Variants in TFEC observed in about 807,000 individuals in gnomAD.
TFEC encodes class E basic helix-loop-helix protein 34.
Under a neutral mutation model 41.6 loss-of-function variants are expected in TFEC, and 31 were observed. The observed-to-expected ratio is 0.74, with a 90% CI of 0.56 to 1.01. TFEC has a LOEUF of 1.01. TFEC is among the 50% of genes least tolerant of loss of function. TFEC has a pLI of 0.00. For synonymous variants in TFEC, 143 were observed against 140.6 expected, an observed-to-expected ratio of 1.02 and a Z score of -0.12; for missense variants, 402 against 404.1, an observed-to-expected ratio of 0.99 and a Z score of 0.04.
At chr7:116,027,602 A>C (rs1280560079) in intron 1 of TFEC, among the ~76,000 whole-genome samples, 1 of 152,006 alleles carries the variant, frequency 6.6e-6, no homozygotes, top group African/African-American at 2.4e-5. Flanking sequence ...GTCTCAAAAA[A>C]ATTTTTTAAA....
Position 115,974,168 on chromosome 7 carries a change from A to C in TFEC, c.267+2T>G. ...GACCTTCTTGGGTCTGAAAGCACTT[A>C]CTGTTCTTTGCATTAGCAGAGGAGA... On this transcript the variant is annotated splice_donor_variant, in intron 3 of 7. Coordinates refer to ENST00000265440, the MANE Select transcript of TFEC (RefSeq NM_012252.4). LOFTEE classifies it high-confidence loss of function. 6.3e-7 allele frequency: 1 copy of C among 1,589,230 alleles called. No homozygotes were observed. The highest frequency in any genetic ancestry group is 8.5e-7 in the Non-Finnish European group (1 of 1,170,064).
At chr7:115,987,601 T>C (rs2130696210) in intron 1 of TFEC, among the ~76,000 whole-genome samples, 1 of 152,242 alleles carries the variant, frequency 6.6e-6, no homozygotes, top group African/African-American at 2.4e-5. Flanking sequence ...TCAAATAGTA[T>C]ACAGCATAGT....
intron 1 of TFEC, among the ~76,000 whole-genome samples, chr7:115,994,668 A>C (rs1417935284): frequency 6.6e-6 from 1 of 152,208 alleles, no homozygotes; most frequent in Non-Finnish European, 1.5e-5. Context: ...ACCAGTTAGA[A>C]TGGCAATCAT....
At position 115,940,665 on chromosome 7, in the gene TFEC, A is replaced by G. The variant is rs1400015486; in HGVS notation, c.930T>C (p.Asp310=). The change falls in exon 8 of 8, where the codon GAT becomes GAC. Residue 310 remains aspartate, a synonymous_variant. Transcript: ENST00000265440. ...EEQRLDGMLL[D]DTISPFGTDP... ...CTGTTCCAAATGGAGAGATTGTGTC[A>G]TCCAATAGCATGCCATCCAATCTTT... 2.5e-6 allele frequency: 4 copies of G among 1,613,626 alleles called. No homozygotes were observed. Among genetic ancestry groups the G allele is most frequent in the Admixed American group, 1.7e-5 (1 of 59,946 alleles).
intron 1 of TFEC, among the ~76,000 whole-genome samples, chr7:116,006,373 A>T (rs1794790156): frequency 6.6e-6 from 1 of 152,064 alleles, no homozygotes; most frequent in African/African-American, 2.4e-5. Flanking sequence ...ATGAGAATCC[A>T]CCTCTTGCAT....
intron 1 of TFEC, among the ~76,000 whole-genome samples, chr7:116,024,860 T>A (rs186213496): frequency 2.0e-5 from 3 of 149,900 alleles, no homozygotes; most frequent in East Asian, 1.9e-4. Flanking sequence ...TTTATACATT[T>A]TTTCCATCTC....
At chr7:115,954,112 G>A (rs1246009852) in intron 5 of TFEC, among the ~76,000 whole-genome samples, 1 of 151,874 alleles carries the variant, frequency 6.6e-6, no homozygotes, top group Non-Finnish European at 1.5e-5. Flanking sequence ...AAGGCATGAG[G>A]GCTCTATTTG....
chr7:115,985,407 C>T (rs1418800588), intron 1 of TFEC, among the ~76,000 whole-genome samples: 1 of 152,084 alleles, frequency 6.6e-6, no homozygotes, highest in East Asian at 1.9e-4. Flanking sequence ...ATTTACTGTG[C>T]TATTCTGTGG....
intron 3 of TFEC, among the ~76,000 whole-genome samples, chr7:116,071,283 T>G (rs935511490): frequency 2.1e-4 from 32 of 150,882 alleles, no homozygotes; most frequent in African/African-American, 6.8e-4. Flanking sequence ...ATAATGATAT[T>G]CCATGTATCA....
intron 3 of TFEC, among the ~76,000 whole-genome samples, chr7:116,083,514 A>T (rs932605820): frequency 6.6e-6 from 1 of 152,088 alleles, no homozygotes; most frequent in Non-Finnish European, 1.5e-5. Context: ...CACAAACTAT[A>T]TAATTCAAAA....
At chr7:116,005,151 C>T (rs1794741340) in intron 1 of TFEC, among the ~76,000 whole-genome samples, 1 of 152,134 alleles carries the variant, frequency 6.6e-6, no homozygotes, top group Non-Finnish European at 1.5e-5. Context: ...TTATCAGCAG[C>T]ATGAAAATGG....
At chr7:116,151,073 G>T (rs1262482015) in intron 1 of TFEC, among the ~76,000 whole-genome samples, 1 of 152,088 alleles carries the variant, frequency 6.6e-6, no homozygotes, top group Non-Finnish European at 1.5e-5. Flanking sequence ...GCACTGTTTA[G>T]TGAGTTTTTC....
At chr7:115,954,265 T>C (rs1156512317) in intron 5 of TFEC, among the ~76,000 whole-genome samples, 1 of 152,092 alleles carries the variant, frequency 6.6e-6, no homozygotes, top group Non-Finnish European at 1.5e-5. Flanking sequence ...TTTTCAAAAG[T>C]CACTTTTATC....
chr7:116,036,997 T>C (rs1795926727), intron 3 of TFEC, among the ~76,000 whole-genome samples: 1 of 152,078 alleles, frequency 6.6e-6, no homozygotes, highest in Non-Finnish European at 1.5e-5. Context: ...CAGAAACAAA[T>C]GTTATTTGCC....
At chr7:116,073,870 T>C (rs895350866) in intron 3 of TFEC, among the ~76,000 whole-genome samples, 1 of 151,884 alleles carries the variant, frequency 6.6e-6, no homozygotes, top group Non-Finnish European at 1.5e-5. Flanking sequence ...CCAGAAATAA[T>C]AGACATAGAT....
chr7:116,049,770 A>G (rs933352413), intron 3 of TFEC, among the ~76,000 whole-genome samples: 1 of 152,354 alleles, frequency 6.6e-6, no homozygotes, highest in East Asian at 1.9e-4. Context: ...AGAAATTATA[A>G]CAAACTGTCT....
intron 3 of TFEC, chr7:115,968,270 C>A: frequency 6.5e-7 from 1 of 1,527,526 alleles, no homozygotes; most frequent in Non-Finnish European, 8.8e-7. Context: ...CTTAAACTTG[C>A]AAACAATAAC....
At chr7:116,044,516 TCAGAA>T (rs1310310226) in intron 3 of TFEC, among the ~76,000 whole-genome samples, 4 of 152,252 alleles carry the variant, frequency 2.6e-5, no homozygotes, top group South Asian at 2.1e-4. Flanking sequence ...GATACATACT[TCAGAA>T]CAGAAGTTTA....
At chr7:116,001,071 C>T (rs1346059697) in intron 1 of TFEC, among the ~76,000 whole-genome samples, 1 of 151,992 alleles carries the variant, frequency 6.6e-6, no homozygotes, top group Non-Finnish European at 1.5e-5. Context: ...TACTTCAGAG[C>T]TATAGTAACA....
Sources: allele counts gnomAD v4.1 joint callset (sites outside exome capture counted in the v4.1 genomes callset), GRCh38; gene constraint gnomAD v4.1.1; transcripts MANE v1.5; gene names NCBI Gene and HGNC (gene_info 2026-07-23, HGNC 2026-07-21).